The following P2RY12 variants were observed in gnomAD, a reference collection of about 807,000 sequenced individuals.
P2RY12 encodes the protein purinergic receptor P2Y12, also known as P2Y purinoceptor 12.
P2RY12 carries 3 observed loss-of-function variants against 4.5 expected under a neutral mutation model. The observed-to-expected ratio is 0.67, with a 90% confidence interval of 0.31 to 1.74. The LOEUF is 1.74. P2RY12 is among the 40% of genes most tolerant of loss of function. P2RY12 has a pLI of 0.09. For synonymous variants in P2RY12, 148 were observed against 154.1 expected (o/e 0.96, Z 0.29); for missense variants, 356 against 407.8 (o/e 0.87, Z 1.09).
chr3:151,361,854 C>T (rs866489395), intron 1 of P2RY12, among the ~76,000 whole-genome samples: 3 of 152,086 alleles, frequency 2.0e-5, no homozygotes, highest in Non-Finnish European at 4.4e-5. Flanking sequence ...TCCTGTCATT[C>T]GTTGTATCTT....
chr3:151,347,728 A>G (rs961548658), intron 1 of P2RY12, among the ~76,000 whole-genome samples: 1 of 152,180 alleles, frequency 6.6e-6, no homozygotes, highest in Non-Finnish European at 1.5e-5. Context: ...ATGTGAATTA[A>G]CAGTAGTGAA....
intron 1 of P2RY12, among the ~76,000 whole-genome samples, chr3:151,368,735 A>T: frequency 1.6e-5 from 1 of 62,102 alleles, no homozygotes; most frequent in Non-Finnish European, 3.0e-5. Context: ...ATTTCATTTC[A>T]TTTCATTTCA....
intron 1 of P2RY12, among the ~76,000 whole-genome samples, chr3:151,359,649 G>C (rs1390530929): frequency 6.6e-6 from 1 of 152,112 alleles, no homozygotes; most frequent in Non-Finnish European, 1.5e-5. Context: ...CTGCCTCTCA[G>C]AGCCTCCTTT....
intron 1 of P2RY12, among the ~76,000 whole-genome samples, chr3:151,350,507 ATAG>A (rs1435628780): frequency 1.3e-5 from 2 of 152,104 alleles, no homozygotes; most frequent in East Asian, 1.9e-4. Context: ...CAAATTTTCT[ATAG>A]TAGTAATAAA....
intron 1 of P2RY12, chr3:151,384,303 T>A: frequency 1.6e-6 from 2 of 1,288,222 alleles, no homozygotes; most frequent in Non-Finnish European, 2.1e-6. Context: ...ACTCATTAAA[T>A]GTTATTAATT....
intron 1 of P2RY12, among the ~76,000 whole-genome samples, chr3:151,349,840 G>C (rs1043951119): frequency 3.3e-5 from 5 of 149,432 alleles, no homozygotes; most frequent in Non-Finnish European, 5.9e-5. Context: ...TAAGACTTCA[G>C]GTCAGTTGAC....
intron 1 of P2RY12, among the ~76,000 whole-genome samples, chr3:151,348,577 T>A (rs568466527): frequency 6.6e-6 from 1 of 151,766 alleles, no homozygotes; most frequent in African/African-American, 2.4e-5. Context: ...TAGCTTCTTT[T>A]TTTTTTTTTT....
In P2RY12 at chr3:151,338,730, C is replaced by G. The variant is rs200854863; in HGVS notation, c.116G>C (p.Gly39Ala). ...CATCGCCAGGCCATTTGTGATAAGTCCAACAAAAAACAGGACAGTGTAGAG... is the reference window on the plus strand; with the variant it reads ...CATCGCCAGGCCATTTGTGATAAGTGCAACAAAAAACAGGACAGTGTAGAG... ...PLLYTVLFFV[G>A]LITNGLAMRI... Residue 39 changes from glycine to alanine, a missense_variant, in exon 3 of 3, where the codon GGA becomes GCA. Physicochemically the swap from Gly to Ala is moderately conservative, Grantham distance 60 (BLOSUM62 0). Transcript: ENST00000302632. 1.9e-5 allele frequency: 30 copies of G among 1,611,572 alleles called. No individual in the cohort carries two copies. In the East Asian group the frequency reaches 6.5e-4, roughly 35 times the overall value.
intron 1 of P2RY12, chr3:151,377,987 G>A (rs755489653): frequency 6.4e-6 from 10 of 1,574,634 alleles, no homozygotes; most frequent in Middle Eastern, 3.8e-4. Flanking sequence ...GCTTTCTCCG[G>A]TGTAACACCT....
chr3:151,369,619 G>A, intron 1 of P2RY12: 1 of 1,016,074 alleles, frequency 9.8e-7, no homozygotes, highest in South Asian at 1.6e-5. Flanking sequence ...TTATTTTCAG[G>A]TTTAAATCTA....
chr3:151,366,007 C>A, intron 1 of P2RY12: 1 of 1,528,896 alleles, frequency 6.5e-7, no homozygotes, highest in Non-Finnish European at 8.8e-7. Context: ...TTTTCTTTTT[C>A]ATTTAAAAAT....
At chr3:151,353,641 A>T (rs908722442) in intron 1 of P2RY12, among the ~76,000 whole-genome samples, 1 of 152,226 alleles carries the variant, frequency 6.6e-6, no homozygotes, top group East Asian at 1.9e-4. Context: ...TTGAAAGAGA[A>T]GTCTCTTTTA....
At chr3:151,351,037 TTACTC>T in intron 1 of P2RY12, among the ~76,000 whole-genome samples, 1 of 152,216 alleles carries the variant, frequency 6.6e-6, no homozygotes, top group East Asian at 1.9e-4. Flanking sequence ...AAGTTTGTGT[TTACTC>T]TATGTAAACA....
At chr3:151,368,054 A>G in intron 1 of P2RY12, 1 of 1,030,104 alleles carries the variant, frequency 9.7e-7, no homozygotes, top group Non-Finnish European at 1.4e-6. Context: ...AAATTTATTT[A>G]AATAATTATT....
At position 151,337,887 on chromosome 3, in the gene P2RY12, G is replaced by A. The variant is rs760586689; in HGVS notation, c.959C>T (p.Thr320Ile). 6.2e-7 allele frequency: 1 copy of A among 1,614,148 alleles called. No homozygotes were observed. Among genetic ancestry groups the A allele is most frequent in the East Asian group, 2.2e-5 (1 of 44,886 alleles). The change falls in exon 3 of 3, where the codon ACA (threonine) becomes ATA (isoleucine). Residue 320 changes from threonine (T) to isoleucine (I), a missense_variant. Transcript: ENST00000302632. Reference sequence around the variant, plus strand: ...TTTCCTATTGTCCTGGGACAGAGATGTTGCAGAATTGGGGCACTTCAGCAT... The same window carrying A: ...TTTCCTATTGTCCTGGGACAGAGATATTGCAGAATTGGGGCACTTCAGCAT... ...ISMLKCPNSA[T>I]SLSQDNRKKE...
At chr3:151,372,001 G>T (rs753213894) in intron 1 of P2RY12, among the ~76,000 whole-genome samples, 1 of 152,164 alleles carries the variant, frequency 6.6e-6, no homozygotes. Flanking sequence ...AAAAACAGGG[G>T]TTATTCAATG....
At chr3:151,339,503 C>T (rs759031259) in intron 2 of P2RY12, among the ~76,000 whole-genome samples, 1 of 150,854 alleles carries the variant, frequency 6.6e-6, no homozygotes. Context: ...CTCACTCATT[C>T]AAAGATTGGC....
At chr3:151,356,031 G>T (rs774424420) in intron 1 of P2RY12, 4 of 1,609,448 alleles carry the variant, frequency 2.5e-6, no homozygotes, top group Non-Finnish European at 3.4e-6. Flanking sequence ...AATTGACTTC[G>T]CAATACAGGT....
intron 1 of P2RY12, among the ~76,000 whole-genome samples, chr3:151,350,387 C>T (rs930914561): frequency 1.3e-5 from 2 of 151,604 alleles, no homozygotes; most frequent in Non-Finnish European, 2.9e-5. Flanking sequence ...TTATAGCAAC[C>T]CTTGTATTAA....
Sources: gnomAD v4.1 joint callset for allele counts (sites outside exome capture counted in the v4.1 genomes callset) on GRCh38, gnomAD v4.1.1 for gene constraint, MANE v1.5 for transcripts, NCBI Gene and HGNC (gene_info 2026-07-23, HGNC 2026-07-21) for gene names.